The following DIAPH3 variants were observed in gnomAD, a reference collection of about 807,000 sequenced individuals.
DIAPH3 encodes protein diaphanous homolog 3.
In DIAPH3, 117 loss-of-function variants were observed where a neutral mutation model predicts 144.3. That is an observed-to-expected ratio of 0.81 (90% CI 0.70 to 0.95). The LOEUF is 0.95. Among genes scored for constraint, DIAPH3 ranks in the 40% least tolerant of loss-of-function variants. The probability of loss-of-function intolerance (pLI) is 0.00; values close to 1 mark genes in which losing one functional copy is unlikely to be tolerated. For missense variants in DIAPH3, 1,421 were observed against 1,412.7 expected (o/e 1.01, Z -0.09); for synonymous variants, 519 against 488.9 (o/e 1.06, Z -0.81).
At chr13:59,965,989 T>C (rs1399712742) in intron 17 of DIAPH3, among the ~76,000 whole-genome samples, 1 of 152,124 alleles carries the variant, frequency 6.6e-6, no homozygotes, top group African/African-American at 2.4e-5. Flanking sequence ...CTTATATACA[T>C]TTCCAGAATA....
At chr13:59,703,979 T>A (rs886088012) in intron 27 of DIAPH3, among the ~76,000 whole-genome samples, 1 of 152,178 alleles carries the variant, frequency 6.6e-6, no homozygotes, top group Non-Finnish European at 1.5e-5. Flanking sequence ...CCAGGCTAAG[T>A]TGCAGTTTTA....
At chr13:59,922,124 G>T (rs1377620747) in intron 18 of DIAPH3, among the ~76,000 whole-genome samples, 2 of 151,932 alleles carry the variant, frequency 1.3e-5, no homozygotes, top group Admixed American at 1.3e-4. Context: ...AAAGTTGAAA[G>T]CTTTTCCTAT....
At chr13:60,036,622 C>A (rs1219027692) in intron 5 of DIAPH3, among the ~76,000 whole-genome samples, 1 of 151,970 alleles carries the variant, frequency 6.6e-6, no homozygotes, top group Non-Finnish European at 1.5e-5. Context: ...CCAATAAAAC[C>A]TTTACTCCAC....
intron 24 of DIAPH3, among the ~76,000 whole-genome samples, chr13:59,825,673 T>A (rs567754586): frequency 6.6e-6 from 1 of 152,324 alleles, no homozygotes; most frequent in African/African-American, 2.4e-5. Flanking sequence ...GTGTTCTTAT[T>A]TCTCCACATC....
At chr13:59,687,491 T>C (rs1241967917) in intron 27 of DIAPH3, among the ~76,000 whole-genome samples, 2 of 152,124 alleles carry the variant, frequency 1.3e-5, no homozygotes, top group Non-Finnish European at 2.9e-5. Context: ...ATTAATATGC[T>C]TTGTGATCAG....
chr13:59,899,216 T>C (rs1026374565), intron 20 of DIAPH3, among the ~76,000 whole-genome samples: 1 of 152,160 alleles, frequency 6.6e-6, no homozygotes, highest in Non-Finnish European at 1.5e-5. Context: ...GCAGATAGCC[T>C]ATTGTGGGAC....
At chr13:59,713,252 T>A (rs1029486910) in intron 27 of DIAPH3, among the ~76,000 whole-genome samples, 20 of 152,170 alleles carry the variant, frequency 1.3e-4, no homozygotes, top group African/African-American at 4.6e-4. Context: ...TTTTTTTTTT[T>A]TATGAGATGG....
chr13:59,728,623 T>A (rs2035722097), intron 27 of DIAPH3, among the ~76,000 whole-genome samples: 1 of 151,992 alleles, frequency 6.6e-6, no homozygotes, highest in Non-Finnish European at 1.5e-5. Flanking sequence ...ATGAATATAA[T>A]CATGGTTAAT....
chr13:59,723,057 T>C (rs1416646482), intron 27 of DIAPH3, among the ~76,000 whole-genome samples: 2 of 152,134 alleles, frequency 1.3e-5, no homozygotes, highest in African/African-American at 4.8e-5. Context: ...TCTAAAACTC[T>C]ATAGGAAAAA....
At chr13:60,156,940 T>TATATA (rs58923567) in intron 1 of DIAPH3, among the ~76,000 whole-genome samples, 29 of 27,944 alleles carry the variant, frequency 1.0e-3, no homozygotes, top group South Asian at 3.1e-3. Context: ...TATATATATA[T>TATATA]TTTTTTTTTT....
At chr13:59,895,362 A>G (rs1164753325) in intron 20 of DIAPH3, among the ~76,000 whole-genome samples, 1 of 151,828 alleles carries the variant, frequency 6.6e-6, no homozygotes, top group African/African-American at 2.4e-5. Context: ...TCCTTGGAAA[A>G]GAAAGAAAAA....
At chr13:59,745,125 G>A (rs2036638619) in intron 27 of DIAPH3, among the ~76,000 whole-genome samples, 1 of 152,150 alleles carries the variant, frequency 6.6e-6, no homozygotes, top group Non-Finnish European at 1.5e-5. Flanking sequence ...TTATTTGTTT[G>A]CTTTGCTTTT....
chr13:60,156,297 T>C (rs904163397), intron 1 of DIAPH3, among the ~76,000 whole-genome samples: 1 of 152,178 alleles, frequency 6.6e-6, no homozygotes, highest in Admixed American at 6.6e-5. Flanking sequence ...CTTAATCATC[T>C]GTGTAAAGTC....
At chr13:59,704,050 G>C (rs192805083) in intron 27 of DIAPH3, among the ~76,000 whole-genome samples, 4 of 152,266 alleles carry the variant, frequency 2.6e-5, no homozygotes, top group Admixed American at 2.6e-4. Context: ...CAGGGTTTTC[G>C]ACTGATTGTC....
intron 24 of DIAPH3, among the ~76,000 whole-genome samples, chr13:59,823,311 T>C (rs949015643): frequency 5.9e-5 from 9 of 152,174 alleles, no homozygotes; most frequent in South Asian, 2.1e-4. Context: ...TTTTTCAAAG[T>C]TGCAAACTCA....
At chr13:59,882,789 G>A (rs773864904) in intron 20 of DIAPH3, among the ~76,000 whole-genome samples, 6 of 152,066 alleles carry the variant, frequency 3.9e-5, no homozygotes, top group Admixed American at 6.6e-5. Flanking sequence ...CAAAGTCTTG[G>A]CAATATAAAT....
intron 5 of DIAPH3, among the ~76,000 whole-genome samples, chr13:60,018,423 T>C (rs1417529974): frequency 6.6e-6 from 1 of 152,138 alleles, no homozygotes; most frequent in Non-Finnish European, 1.5e-5. Flanking sequence ...GTAAGTTCTC[T>C]GATCTACATA....
intron 2 of DIAPH3, among the ~76,000 whole-genome samples, chr13:60,126,253 T>C (rs2058986615): frequency 6.6e-6 from 1 of 152,198 alleles, no homozygotes; most frequent in Non-Finnish European, 1.5e-5. Flanking sequence ...CAAAGGGGTA[T>C]GAAATTGAGA....
At position 60,137,095 on chromosome 13, in the gene DIAPH3, T is replaced by G. The variant is rs59163771; in HGVS notation, c.181-4106A>C. 8.3e-3 allele frequency among the ~76,000 whole-genome samples: 1,263 copies of G among 152,330 alleles called. 22 individuals are homozygous for G. Among genetic ancestry groups the G allele is most frequent in the African/African-American group, 0.029 (1,186 of 41,564 alleles). On this transcript the variant is annotated intron_variant, in intron 1 of 27. Coordinates refer to ENST00000400324, the MANE Select transcript of DIAPH3 (RefSeq NM_001042517.2). ...ATGTTTCTCAAATACTAATTCTATT[T>G]TCTCCCTAAAAAGTAAGGAGAACCA...
Sources: allele counts gnomAD v4.1 joint callset (sites outside exome capture counted in the v4.1 genomes callset), GRCh38; gene constraint gnomAD v4.1.1; transcripts MANE v1.5; gene names NCBI Gene and HGNC (gene_info 2026-07-23, HGNC 2026-07-21).